C1QTNF2: variants seen among roughly 807,000 people sequenced by gnomAD.
The protein encoded by C1QTNF2 is C1q and TNF related 2.
Under a neutral mutation model 17.4 loss-of-function variants are expected in C1QTNF2, and 15 were observed. The ratio of observed to expected loss-of-function variants is 0.86; its 90% CI spans 0.58 to 1.33. The LOEUF (loss-of-function observed/expected upper bound fraction) is 1.33, where lower values mean the gene tolerates loss of function less well. Ranked by LOEUF, C1QTNF2 falls within the 40% of genes most tolerant of loss-of-function variation. C1QTNF2 has a pLI of 0.00. For missense variants in C1QTNF2, 381 were observed against 392.3 expected, an observed-to-expected ratio of 0.97 and a Z score of 0.24; for synonymous variants, 154 against 163.3, an observed-to-expected ratio of 0.94 and a Z score of 0.44.
chr5:160,355,767 A>G (rs1764037088), intron 1 of C1QTNF2, among the ~76,000 whole-genome samples: 1 of 152,116 alleles, frequency 6.6e-6, no homozygotes, highest in South Asian at 2.1e-4. Flanking sequence ...GCCCAACACA[A>G]GTTTTGTAAA....
chr5:160,356,428 A>T (rs952574822), intron 1 of C1QTNF2, among the ~76,000 whole-genome samples: 1 of 152,156 alleles, frequency 6.6e-6, no homozygotes, highest in Non-Finnish European at 1.5e-5. Context: ...CTTATCCCCA[A>T]AGTTTCTGAT....
chr5:160,349,468 C>T lies in C1QTNF2; in HGVS notation c.558G>A (p.Lys186=). The T allele has an allele frequency of 2.5e-6, 4 of 1,614,124 alleles. No homozygotes were observed. Among genetic ancestry groups the T allele is most frequent in the Non-Finnish European group, 3.4e-6 (4 of 1,180,042 alleles). ...EGGHYNASSG[K]FVCGVPGIYY... ...AGATCCCAGGCACGCCGCAGACGAA[C>T]TTGCCGCTGGAAGCATTGTAGTGGC... Residue 186 remains lysine (K), a synonymous_variant, in exon 3 of 3, where the codon AAG becomes AAA. Coordinates refer to ENST00000652664, the MANE Select transcript of C1QTNF2 (RefSeq NM_031908.6). The surrounding 1 kb of genome is among the most constrained non-coding windows in gnomAD (Gnocchi z 4.3).
At position 160,354,595 on chromosome 5, in the gene C1QTNF2, AAAGTATATATAT is replaced by A. The variant is rs767067234; in HGVS notation, c.244+161_244+172del. On this transcript the variant is annotated intron_variant, in intron 2 of 2. Transcript: ENST00000652664. ...CTCTGTCTCAAGGGGAAAAAAAAAAAAAGTATATATATATATATATATATATATATATATATA... is the reference window on the plus strand; with the variant it reads ...CTCTGTCTCAAGGGGAAAAAAAAAAAATATATATATATATATATATATATA... Among the ~76,000 whole-genome samples the A allele has an allele frequency of 4.2e-3, 138 of 32,742 alleles. 2 individuals are homozygous for A. Among genetic ancestry groups the A allele is most frequent in the African/African-American group, 0.012 (111 of 8,910 alleles). 21.5% of individuals were successfully genotyped at this position (32,742 alleles called of 152,430 possible). A position where few individuals can be genotyped will look rare whatever the true frequency, so the allele number is the denominator to read the frequency against.
At chr5:160,370,469 G>A (rs1425347602) in intron 1 of C1QTNF2, 43 bp downstream of exon 1, 8 of 1,388,306 alleles carry the variant, frequency 5.8e-6, no homozygotes, top group Middle Eastern at 2.3e-4. Context: ...TCCTCCCCGC[G>A]CGCACTTGCC....
At position 160,349,967 on chromosome 5, in the gene C1QTNF2, A is replaced by G. The variant is rs1380447623; in HGVS notation, c.245-186T>C. 6.6e-6 allele frequency among the ~76,000 whole-genome samples: 1 copy of G among 152,222 alleles called. No homozygotes were observed. Among genetic ancestry groups the G allele is most frequent in the Non-Finnish European group, 1.5e-5 (1 of 68,028 alleles). The stretch of plus-strand genomic sequence containing the variant: ...AGCTCTCTGGAAAATGGAAATGATG[A>G]TACTTACCTTCAAGAATCACTGTGG... On this transcript the variant is annotated intron_variant, in intron 2 of 2. Transcript: ENST00000652664. This position sits in a 1 kb window ranked among gnomAD's most constrained non-coding sequence, Gnocchi z 4.3.
In C1QTNF2 at chr5:160,349,706, G is replaced by T; in HGVS notation, c.320C>A (p.Pro107His). ...ACCGTTGACCCCCTTGGGGCCACGG[G>T]GGCCAGCCCGCCCAATGGCCCCGGC... ...GKAGAIGRAGPRGPKGVNGTP... is the reference protein window; with the variant it reads ...GKAGAIGRAGHRGPKGVNGTP... Residue 107 changes from proline to histidine, a missense_variant, in exon 3 of 3, where the codon CCC becomes CAC. Coordinates refer to ENST00000652664, the MANE Select transcript of C1QTNF2 (RefSeq NM_031908.6). This position sits in a 1 kb window ranked among gnomAD's most constrained non-coding sequence, Gnocchi z 4.3. 1 of 1,585,974 alleles carries T rather than the reference G, an allele frequency of 6.3e-7. No homozygotes were observed.
intron 1 of C1QTNF2, among the ~76,000 whole-genome samples, chr5:160,364,129 T>C (rs1764205113): frequency 6.6e-6 from 1 of 152,238 alleles, no homozygotes; most frequent in Admixed American, 6.5e-5. Flanking sequence ...ATAAAAATTA[T>C]TAATGAGACA....
In C1QTNF2 at chr5:160,370,608, G is replaced by C; in HGVS notation, c.-106C>G. 2 of 1,449,384 alleles carry C rather than the reference G, an allele frequency of 1.4e-6. No homozygotes were observed. The highest frequency in any genetic ancestry group is 1.8e-6 in the Non-Finnish European group (2 of 1,104,852). 89.8% of individuals were successfully genotyped at this position (1,449,384 alleles called of 1,614,324 possible). ...TTTCCTCAGCGGCAGCAGCCGGGCAGAGCGTCGGCCCCAGGCATAGTTTTC... is the reference window on the plus strand; with the variant it reads ...TTTCCTCAGCGGCAGCAGCCGGGCACAGCGTCGGCCCCAGGCATAGTTTTC... On this transcript the variant is annotated 5_prime_UTR_variant, in exon 1 of 3. Transcript: ENST00000652664.
At position 160,349,472 on chromosome 5, in the gene C1QTNF2, C is replaced by A. The variant is rs373076596; in HGVS notation, c.554G>T (p.Gly185Val). 10 of 1,614,056 alleles carry A rather than the reference C, an allele frequency of 6.2e-6. No homozygotes were observed. The highest frequency in any genetic ancestry group is 8.5e-6 in the Non-Finnish European group (10 of 1,180,028). Residue 185 changes from glycine to valine, a missense_variant, in exon 3 of 3, where the codon GGC (glycine) becomes GTC (valine). Physicochemically the swap from Gly to Val is moderately radical, Grantham distance 109. Transcript: ENST00000652664. This position sits in a 1 kb window ranked among gnomAD's most constrained non-coding sequence, Gnocchi z 4.3. Reference protein sequence around the residue: ...NEGGHYNASSGKFVCGVPGIY... With the variant: ...NEGGHYNASSVKFVCGVPGIY... ...CCCAGGCACGCCGCAGACGAACTTGCCGCTGGAAGCATTGTAGTGGCCACC... is the reference window on the plus strand; with the variant it reads ...CCCAGGCACGCCGCAGACGAACTTGACGCTGGAAGCATTGTAGTGGCCACC...
At chr5:160,359,429 T>G (rs1764110668) in intron 1 of C1QTNF2, among the ~76,000 whole-genome samples, 1 of 152,238 alleles carries the variant, frequency 6.6e-6, no homozygotes, top group African/African-American at 2.4e-5. Context: ...ATGCTTTCCA[T>G]TATGTCAGCA....
chr5:160,359,980 A>G (rs2113524576), intron 1 of C1QTNF2, among the ~76,000 whole-genome samples: 1 of 129,288 alleles, frequency 7.7e-6, no homozygotes, highest in Non-Finnish European at 1.6e-5. Context: ...GCCAAGCTCC[A>G]TTCAGCCCCA....
At chr5:160,359,893 C>A (rs1311807900) in intron 1 of C1QTNF2, among the ~76,000 whole-genome samples, 1 of 152,246 alleles carries the variant, frequency 6.6e-6, no homozygotes, top group Non-Finnish European at 1.5e-5. Context: ...CTGGCTCTAG[C>A]CCCTGCCCCA....
intron 2 of C1QTNF2, among the ~76,000 whole-genome samples, 165 bp downstream of exon 2, chr5:160,354,591 AAAAAAAGTATAT>A (rs1219869642): frequency 9.4e-5 from 3 of 31,904 alleles, no homozygotes; most frequent in African/African-American, 4.2e-4. Flanking sequence ...GGGGAAAAAA[AAAAAAAGTATAT>A]ATATATATAT....
rs74370439 is a variant in C1QTNF2 at position 160,349,895 on chromosome 5, C to G, written c.245-114G>C. The stretch of plus-strand genomic sequence containing the variant: ...AGGAGTGCTTGGGTAATAGAAAGAA[C>G]AAGAAGGCTTTGCAGACATATAGAA... On this transcript the variant is annotated intron_variant, in intron 2 of 2. Transcript: ENST00000652664. This position sits in a 1 kb window ranked among gnomAD's most constrained non-coding sequence, Gnocchi z 4.3. The G allele has an allele frequency of 1.2e-3, 1,524 of 1,267,454 alleles. 7 individuals carry two copies. The African/African-American group carries it at 0.021, about 17-fold the overall frequency. 78.5% of individuals were successfully genotyped at this position (1,267,454 alleles called of 1,614,324 possible).
intron 2 of C1QTNF2, among the ~76,000 whole-genome samples, 171 bp downstream of exon 2, chr5:160,354,597 A>ATATATATATATATAT (rs769774870): frequency 1.5e-4 from 13 of 89,260 alleles, no homozygotes; most frequent in African/African-American, 4.8e-4. Flanking sequence ...AAAAAAAAAA[A>ATATATATATATATAT]GTATATATAT....
chr5:160,354,592 A>ATATATATATATATAT (rs1561822717), intron 2 of C1QTNF2, among the ~76,000 whole-genome samples, 176 bp downstream of exon 2: 1 of 46,470 alleles, frequency 2.2e-5, no homozygotes, highest in African/African-American at 7.3e-5. Flanking sequence ...GGGAAAAAAA[A>ATATATATATATATAT]AAAAAGTATA....
intron 1 of C1QTNF2, among the ~76,000 whole-genome samples, chr5:160,368,363 C>T (rs1764284506): frequency 6.6e-6 from 1 of 151,910 alleles, no homozygotes; most frequent in Non-Finnish European, 1.5e-5. Context: ...GAAACCCCGT[C>T]TCTACTAAAA....
chr5:160,361,664 C>T (rs1764156381), intron 1 of C1QTNF2, among the ~76,000 whole-genome samples: 1 of 152,146 alleles, frequency 6.6e-6, no homozygotes, highest in African/African-American at 2.4e-5. Context: ...CTATTTAGCC[C>T]AGTGTTTGAC....
intron 1 of C1QTNF2, among the ~76,000 whole-genome samples, chr5:160,360,679 G>C (rs1467996494): frequency 2.0e-5 from 3 of 152,152 alleles, no homozygotes; most frequent in Non-Finnish European, 4.4e-5. Flanking sequence ...TCTGGGGGTG[G>C]GAAGGTGTTA....
Sources: gnomAD v4.1 joint callset for allele counts (sites outside exome capture counted in the v4.1 genomes callset) on GRCh38, gnomAD v4.1.1 for gene constraint, Gnocchi (gnomAD v3.1) non-coding constraint, MANE v1.5 for transcripts, NCBI Gene and HGNC (gene_info 2026-07-23, HGNC 2026-07-21) for gene names.